Variants in SPOCK3 observed in about 807,000 individuals in gnomAD.
The protein encoded by SPOCK3 is testican-3.
A neutral mutation model predicts 56.6 loss-of-function variants in SPOCK3; 30 were observed. The ratio of observed to expected loss-of-function variants is 0.53; its 90% CI spans 0.40 to 0.72. The LOEUF is 0.72. SPOCK3 is among the 30% of genes least tolerant of loss of function. The pLI is 0.00. For synonymous variants in SPOCK3, 196 were observed against 183.3 expected (o/e 1.07, Z -0.56); for missense variants, 527 against 530.0 (o/e 0.99, Z 0.06).
intron 6 of SPOCK3, among the ~76,000 whole-genome samples, chr4:166,804,734 T>C (rs1742973820): frequency 6.6e-6 from 1 of 152,152 alleles, no homozygotes; most frequent in Non-Finnish European, 1.5e-5. Flanking sequence ...CAAATGTACA[T>C]GTTTCCTTTG....
At chr4:166,904,698 A>G (rs555809882) in intron 5 of SPOCK3, among the ~76,000 whole-genome samples, 12 of 152,142 alleles carry the variant, frequency 7.9e-5, no homozygotes, top group Admixed American at 6.6e-4. Flanking sequence ...TGGGGGTGTT[A>G]GTGTCTGAGA....
At chr4:166,763,557 A>C (rs563351129) in intron 7 of SPOCK3, among the ~76,000 whole-genome samples, 1 of 152,252 alleles carries the variant, frequency 6.6e-6, no homozygotes, top group South Asian at 2.1e-4. Flanking sequence ...TTAAAAGCTA[A>C]TGAATTGTTT....
chr4:166,841,782 CTT>C (rs1208596474), intron 6 of SPOCK3, among the ~76,000 whole-genome samples: 2 of 152,214 alleles, frequency 1.3e-5, no homozygotes, highest in Non-Finnish European at 2.9e-5. Context: ...ATGATGCCTT[CTT>C]GAGTACGAGC....
chr4:166,800,258 T>C (rs1258912118), intron 6 of SPOCK3, among the ~76,000 whole-genome samples: 1 of 150,658 alleles, frequency 6.6e-6, no homozygotes, highest in African/African-American at 2.5e-5. Context: ...AGAGGAATAT[T>C]CATGGTGCAT....
chr4:166,856,304 G>A (rs780454663), intron 6 of SPOCK3, among the ~76,000 whole-genome samples: 15 of 152,054 alleles, frequency 9.9e-5, no homozygotes, highest in Non-Finnish European at 1.6e-4. Flanking sequence ...TAATAATAAT[G>A]TTTTGTATAT....
chr4:166,895,946 C>T (rs957836631), intron 5 of SPOCK3, among the ~76,000 whole-genome samples: 4 of 152,030 alleles, frequency 2.6e-5, no homozygotes, highest in Non-Finnish European at 5.9e-5. Flanking sequence ...TTTCCTGAGC[C>T]CTAAAATGCC....
intron 6 of SPOCK3, among the ~76,000 whole-genome samples, chr4:166,815,562 T>C (rs1048891812): frequency 1.3e-5 from 2 of 151,952 alleles, no homozygotes; most frequent in African/African-American, 4.8e-5. Flanking sequence ...GAGGCCAAGG[T>C]GGGAAGATCA....
At chr4:167,160,077 A>G (rs1765157657) in intron 2 of SPOCK3, among the ~76,000 whole-genome samples, 1 of 152,112 alleles carries the variant, frequency 6.6e-6, no homozygotes. Context: ...AGGGTATTCA[A>G]TTAGGAAAAG....
chr4:166,788,183 AAAACAAAC>A (rs146172189), intron 7 of SPOCK3, among the ~76,000 whole-genome samples: 1 of 151,468 alleles, frequency 6.6e-6, no homozygotes, highest in Admixed American at 6.6e-5. Flanking sequence ...CTCCATTTAA[AAAACAAAC>A]AAACAAACAA....
At chr4:167,015,139 A>C (rs116573648) in intron 3 of SPOCK3, among the ~76,000 whole-genome samples, 2,591 of 152,144 alleles carry the variant, frequency 0.017, 37 homozygotes, top group Non-Finnish European at 0.022. Context: ...TAGAAGGTAA[A>C]TACTGCTCCC....
At chr4:167,067,700 T>C (rs1156667803) in intron 2 of SPOCK3, among the ~76,000 whole-genome samples, 1 of 151,830 alleles carries the variant, frequency 6.6e-6, no homozygotes, top group Non-Finnish European at 1.5e-5. Flanking sequence ...GATTCAGCTA[T>C]GGTACTGCCA....
chr4:167,158,728 G>A (rs1422343123), intron 2 of SPOCK3, among the ~76,000 whole-genome samples: 1 of 151,722 alleles, frequency 6.6e-6, no homozygotes, highest in Admixed American at 6.6e-5. Flanking sequence ...AAATAAAATG[G>A]GTAACAAAAT....
chr4:166,884,088 TG>T (rs1733949934), intron 6 of SPOCK3, among the ~76,000 whole-genome samples: 1 of 152,214 alleles, frequency 6.6e-6, no homozygotes, highest in African/African-American at 2.4e-5. Context: ...TATGTTGCAA[TG>T]GCTAGTAGCT....
At chr4:167,192,263 G>A (rs1732534039) in intron 2 of SPOCK3, among the ~76,000 whole-genome samples, 1 of 145,456 alleles carries the variant, frequency 6.9e-6, no homozygotes, top group South Asian at 2.1e-4. Flanking sequence ...TTCCTCTTCT[G>A]GCTTTGGTAT....
At chr4:166,763,985 C>T (rs541740304) in intron 7 of SPOCK3, among the ~76,000 whole-genome samples, 5 of 152,030 alleles carry the variant, frequency 3.3e-5, no homozygotes, top group South Asian at 2.1e-4. Flanking sequence ...CTTTTTTCAG[C>T]GGGGTTGCTG....
chr4:166,823,414 G>C (rs80149495), intron 6 of SPOCK3, among the ~76,000 whole-genome samples: 4 of 152,032 alleles, frequency 2.6e-5, no homozygotes, highest in African/African-American at 9.7e-5. Flanking sequence ...ATGTGAGAAA[G>C]AGGTAAACTT....
At chr4:166,989,657 T>C (rs1176564255) in intron 4 of SPOCK3, among the ~76,000 whole-genome samples, 2 of 152,150 alleles carry the variant, frequency 1.3e-5, no homozygotes, top group African/African-American at 4.8e-5. Flanking sequence ...AATGAAAAAG[T>C]TGATGAGATA....
chr4:166,829,257 T>G (rs1745792408), intron 6 of SPOCK3, among the ~76,000 whole-genome samples: 1 of 151,980 alleles, frequency 6.6e-6, no homozygotes, highest in Non-Finnish European at 1.5e-5. Context: ...TAACTGGAGA[T>G]TACACTATGT....
chr4:167,071,166 T>C (rs1026016372), intron 2 of SPOCK3, among the ~76,000 whole-genome samples: 10 of 151,962 alleles, frequency 6.6e-5, no homozygotes. Flanking sequence ...TAAATTGATA[T>C]GCAAAACTTA....
Sources: allele counts gnomAD v4.1 joint callset (sites outside exome capture counted in the v4.1 genomes callset), GRCh38; gene constraint gnomAD v4.1.1; transcripts MANE v1.5; gene names NCBI Gene and HGNC (gene_info 2026-07-23, HGNC 2026-07-21).